ATP6V1A: variants seen among roughly 807,000 people sequenced by gnomAD.
The protein encoded by ATP6V1A is V-type proton ATPase catalytic subunit A.
A neutral mutation model predicts 70.1 loss-of-function variants in ATP6V1A; 18 were observed. The observed-to-expected ratio is 0.26, with a 90% confidence interval of 0.18 to 0.38. The LOEUF is 0.38. ATP6V1A is among the 10% of genes least tolerant of loss of function. The pLI is 1.00. For missense variants in ATP6V1A, 424 were observed against 772.4 expected, an observed-to-expected ratio of 0.55 and a Z score of 5.35; for synonymous variants, 232 against 253.8, an observed-to-expected ratio of 0.91 and a Z score of 0.82.
intron 1 of ATP6V1A, among the ~76,000 whole-genome samples, chr3:113,763,931 A>G (rs1434066351): frequency 6.6e-6 from 1 of 152,144 alleles, no homozygotes; most frequent in African/African-American, 2.4e-5. Context: ...GACTTTACCT[A>G]GTCAGTAAGT....
rs567915291 is a variant in ATP6V1A at position 113,750,886 on chromosome 3, A to G, written c.-14+3773A>G. Among the ~76,000 whole-genome samples the G allele has an allele frequency of 1.9e-3, 285 of 152,294 alleles. 4 individuals carry two copies. In the Middle Eastern group the frequency reaches 0.031, roughly 16 times the overall value. ...GAATTTGAAAAGAAGCTATTACCCA[A>G]AAAATGGGGGAACAAGAAAAGTGTA... On this transcript the variant is annotated intron_variant, in intron 1 of 14. Coordinates refer to ENST00000273398, the MANE Select transcript of ATP6V1A (RefSeq NM_001690.4).
At chr3:113,771,837 T>G (rs1335421881) in intron 1 of ATP6V1A, among the ~76,000 whole-genome samples, 1 of 152,194 alleles carries the variant, frequency 6.6e-6, no homozygotes, top group Non-Finnish European at 1.5e-5. Flanking sequence ...TTGTATGAGA[T>G]GAAGTAGAGT....
At chr3:113,771,429 CTTTTTTTTTTTTTTTTT>C (rs772278685) in intron 1 of ATP6V1A, among the ~76,000 whole-genome samples, 5 of 112,596 alleles carry the variant, frequency 4.4e-5, no homozygotes, top group Non-Finnish European at 7.2e-5. Flanking sequence ...ATATTTTTCT[CTTTTTTTTTTTTTTTTT>C]TTTTTTTTTG....
chr3:113,782,992 A>G (rs1708996676), intron 3 of ATP6V1A, among the ~76,000 whole-genome samples: 1 of 152,182 alleles, frequency 6.6e-6, no homozygotes, highest in South Asian at 2.1e-4. Context: ...TGTTAAATAT[A>G]GAACCTAGCT....
intron 1 of ATP6V1A, among the ~76,000 whole-genome samples, chr3:113,754,882 T>G (rs1708629586): frequency 6.6e-6 from 1 of 152,218 alleles, no homozygotes; most frequent in South Asian, 2.1e-4. Context: ...AGTATCTCCG[T>G]AGAATACATC....
At chr3:113,799,127 A>G (rs181237288) in intron 12 of ATP6V1A, among the ~76,000 whole-genome samples, 1 of 152,326 alleles carries the variant, frequency 6.6e-6, no homozygotes, top group East Asian at 1.9e-4. Flanking sequence ...TAAAGACAAT[A>G]CAAGAAAGGA....
chr3:113,802,882 C>G (rs1368381014), intron 12 of ATP6V1A: 2 of 152,626 alleles, frequency 1.3e-5, no homozygotes, highest in Non-Finnish European at 2.9e-5. Flanking sequence ...AAGCTGGTCT[C>G]TCACTCCTGA....
Position 113,798,417 on chromosome 3 carries a change from C to A in ATP6V1A, c.1465C>A (p.Leu489Met). ...AKEILQEEEDLAEIVQLVGKA... is the reference protein window; with the variant it reads ...AKEILQEEEDMAEIVQLVGKA... ...GGAAATTCTGCAGGAAGAAGAAGAC[C>A]TGGCAGAAATTGTACAGCTTGTGGG... The change falls in exon 12 of 15, where the codon CTG becomes ATG. Residue 489 changes from leucine (L) to methionine (M), a missense_variant. By Grantham distance (15) the Leu-to-Met change is conservative. This residue lies in a region of ATP6V1A where 127 missense variants were observed against 207.9 expected (regional missense o/e 0.61). Transcript: ENST00000273398. 6.2e-7 allele frequency: 1 copy of A among 1,613,870 alleles called. No homozygotes were observed.
At chr3:113,761,346 C>T (rs1328272164) in intron 1 of ATP6V1A, among the ~76,000 whole-genome samples, 2 of 151,854 alleles carry the variant, frequency 1.3e-5, no homozygotes, top group Non-Finnish European at 2.9e-5. Context: ...ACATTTCTTA[C>T]ATTTGGCTAG....
chr3:113,803,633 C>A lies in ATP6V1A; in HGVS notation c.1545C>A (p.Ile515=), dbSNP rs1361987717. The change falls in exon 13 of 15, where the codon ATC becomes ATA. Residue 515 remains isoleucine (I), a synonymous_variant. Transcript: ENST00000273398. The part of the protein sequence containing the change: ...DKITLEVAKL[I]KDDFLQQNGY... ...TCACTCTGGAGGTAGCAAAACTTAT[C>A]AAAGATGATTTCCTACAACAAAATG... The A allele has an allele frequency of 3.5e-5, 56 of 1,612,134 alleles. No individual in the cohort carries two copies. The highest frequency in any genetic ancestry group is 4.7e-5 in the Non-Finnish European group (55 of 1,178,630).
intron 1 of ATP6V1A, among the ~76,000 whole-genome samples, chr3:113,750,714 A>G (rs1315905756): frequency 1.3e-5 from 2 of 152,248 alleles, no homozygotes; most frequent in Admixed American, 6.5e-5. Context: ...TAAAATGCCT[A>G]GAACATATTT....
rs1708997762 is a variant in ATP6V1A, at chr3:113,783,125, ACT to A, written c.212-1096_212-1095del. Among the ~76,000 whole-genome samples the A allele has an allele frequency of 1.3e-5, 2 of 151,982 alleles. 1 individual carries two copies. Among genetic ancestry groups the A allele is most frequent in the Admixed American group, 1.3e-4 (2 of 15,258 alleles). On this transcript the variant is annotated intron_variant, in intron 3 of 14. Transcript: ENST00000273398. ...GAGATTTCTAGAGGAATTCATGATAACTCTGGTTCTTTTTTTTACAGCCATAT... is the reference window on the plus strand; with the variant it reads ...GAGATTTCTAGAGGAATTCATGATAACTGGTTCTTTTTTTTACAGCCATAT...
At chr3:113,782,221 T>G (rs2108027910) in intron 3 of ATP6V1A, among the ~76,000 whole-genome samples, 1 of 152,306 alleles carries the variant, frequency 6.6e-6, no homozygotes, top group East Asian at 1.9e-4. Flanking sequence ...TCTAGAAATT[T>G]TAAATAAAAA....
At chr3:113,747,662 AG>A (rs1708538171) in intron 1 of ATP6V1A, among the ~76,000 whole-genome samples, 1 of 152,206 alleles carries the variant, frequency 6.6e-6, no homozygotes, top group Non-Finnish European at 1.5e-5. Flanking sequence ...ACATACCTGC[AG>A]GGAAGGTTCC....
At chr3:113,798,039 A>G (rs932577519) in intron 11 of ATP6V1A, among the ~76,000 whole-genome samples, 2 of 152,110 alleles carry the variant, frequency 1.3e-5, no homozygotes, top group Non-Finnish European at 2.9e-5. Flanking sequence ...AGGCTGAGTC[A>G]GGAGAATTGT....
intron 1 of ATP6V1A, among the ~76,000 whole-genome samples, chr3:113,750,753 T>C (rs186686679): frequency 1.7e-4 from 26 of 152,350 alleles, no homozygotes; most frequent in African/African-American, 5.5e-4. Context: ...TTAATTTTAC[T>C]GATAACTACT....
intron 12 of ATP6V1A, 63 bp downstream of exon 12, chr3:113,798,509 A>G: frequency 1.3e-6 from 2 of 1,500,664 alleles, no homozygotes; most frequent in Non-Finnish European, 1.8e-6. Context: ...TCAAGGACAG[A>G]TAGAGCCTTG....
At chr3:113,769,195 C>G (rs925297835) in intron 1 of ATP6V1A, among the ~76,000 whole-genome samples, 2 of 152,124 alleles carry the variant, frequency 1.3e-5, no homozygotes, top group Non-Finnish European at 2.9e-5. Context: ...GCACTATACT[C>G]TAAAAGTATG....
chr3:113,785,355 G>A (rs529425696), intron 5 of ATP6V1A, among the ~76,000 whole-genome samples: 5 of 152,208 alleles, frequency 3.3e-5, no homozygotes, highest in Admixed American at 6.5e-5. Flanking sequence ...CAGGAGAATC[G>A]CCTGAACCTA....
Sources: gnomAD v4.1 joint callset for allele counts (sites outside exome capture counted in the v4.1 genomes callset) on GRCh38, gnomAD v4.1.1 for gene constraint, gnomAD v4.1.1 regional missense constraint, MANE v1.5 for transcripts, NCBI Gene and HGNC (gene_info 2026-07-23, HGNC 2026-07-21) for gene names.